The following SYNPR variants were observed in gnomAD, a reference collection of about 807,000 sequenced individuals.
SYNPR encodes the protein synaptoporin.
Under a neutral mutation model 32.9 loss-of-function variants are expected in SYNPR, and 23 were observed. That is an observed-to-expected ratio of 0.70 (90% CI 0.50 to 0.99). SYNPR has a LOEUF of 0.99. Ranked by LOEUF, SYNPR falls within the 50% of genes least tolerant of loss-of-function variation. SYNPR has a pLI of 0.00. For synonymous variants in SYNPR, 146 were observed against 135.9 expected (o/e 1.07, Z -0.52); for missense variants, 318 against 349.3 (o/e 0.91, Z 0.71).
chr3:63,543,527 T>C (rs886560276), intron 3 of SYNPR, among the ~76,000 whole-genome samples: 1 of 152,074 alleles, frequency 6.6e-6, no homozygotes, highest in African/African-American at 2.4e-5. Flanking sequence ...CTGTTTTGGT[T>C]ATTTTGTTTT....
chr3:63,507,253 A>G (rs908869305), intron 3 of SYNPR, among the ~76,000 whole-genome samples: 1 of 137,552 alleles, frequency 7.3e-6, no homozygotes, highest in African/African-American at 2.6e-5. Flanking sequence ...TTTTAACCAT[A>G]TCTGCCCCAA....
intron 2 of SYNPR, among the ~76,000 whole-genome samples, chr3:63,367,304 C>G (rs2107045104): frequency 6.6e-6 from 1 of 152,074 alleles, no homozygotes. Context: ...ACAGTACATT[C>G]TGAAGTTTGG....
intron 2 of SYNPR, among the ~76,000 whole-genome samples, chr3:63,412,061 T>A (rs1176807348): frequency 1.3e-5 from 2 of 149,622 alleles, no homozygotes; most frequent in African/African-American, 4.9e-5. Context: ...AGGAGTAGAG[T>A]AGATTGGAGA....
intron 2 of SYNPR, among the ~76,000 whole-genome samples, chr3:63,350,157 C>T (rs1350040011): frequency 6.6e-6 from 1 of 151,912 alleles, no homozygotes; most frequent in East Asian, 1.9e-4. Flanking sequence ...TATAATTATA[C>T]ACAGTATTTT....
the SYNPR span, among the ~76,000 whole-genome samples, chr3:63,218,578 T>C: frequency 6.6e-6 from 1 of 152,228 alleles, no homozygotes; most frequent in East Asian, 1.9e-4. Context: ...TCTCAGGCTA[T>C]AAAGTGAAAT....
intron 1 of SYNPR, among the ~76,000 whole-genome samples, chr3:63,252,132 A>C (rs2086338343): frequency 6.6e-6 from 1 of 152,170 alleles, no homozygotes; most frequent in Non-Finnish European, 1.5e-5. Flanking sequence ...TAAAAAAGAC[A>C]AGGTGAAGAA....
At chr3:63,424,176 C>T (rs1021571576) in intron 2 of SYNPR, among the ~76,000 whole-genome samples, 3 of 152,078 alleles carry the variant, frequency 2.0e-5, no homozygotes, top group Admixed American at 6.5e-5. Flanking sequence ...CTAGTAATGT[C>T]GAAAATAAAG....
chr3:63,443,223 A>T lies in SYNPR; in HGVS notation c.85-37609A>T, dbSNP rs1000113275. 12 of 1,391,250 alleles carry T rather than the reference A, an allele frequency of 8.6e-6. No homozygotes were observed. In the African/African-American group the frequency reaches 1.5e-4, roughly 17 times the overall value. The allele number at this position is 1,391,250 out of a possible 1,614,324, so 86.2% of individuals were successfully genotyped here. The stretch of plus-strand genomic sequence containing the variant: ...CAGCTGTGGGTTGTCACTGTCTAAT[A>T]ATATGACCGTTTTGCCATCTCTCTG... On this transcript the variant is annotated intron_variant, in intron 2 of 5. Transcript: ENST00000478300.
intron 2 of SYNPR, among the ~76,000 whole-genome samples, chr3:63,461,125 A>C (rs991706151): frequency 6.6e-6 from 1 of 152,082 alleles, no homozygotes; most frequent in Non-Finnish European, 1.5e-5. Context: ...TCTAGGAAAT[A>C]TCCTAAAAGG....
At position 63,608,623 on chromosome 3, in the gene SYNPR, C is replaced by T. The variant is rs571926544; in HGVS notation, c.409-502C>T. On this transcript the variant is annotated intron_variant, in intron 4 of 5. Coordinates refer to ENST00000478300, the MANE Select transcript of SYNPR (RefSeq NM_001130003.2). Reference sequence around the variant, plus strand: ...ATGAATGAATGAATGAATGAGTGAACATTGCCATCAAAGAATCTTAAACCA... The same window carrying T: ...ATGAATGAATGAATGAATGAGTGAATATTGCCATCAAAGAATCTTAAACCA... 2.0e-5 allele frequency among the ~76,000 whole-genome samples: 3 copies of T among 151,842 alleles called. No homozygotes were observed. The South Asian group carries it at 6.2e-4, about 32-fold the overall frequency.
At chr3:63,378,902 A>T (rs1187511112) in intron 2 of SYNPR, among the ~76,000 whole-genome samples, 2 of 152,060 alleles carry the variant, frequency 1.3e-5, no homozygotes, top group East Asian at 3.9e-4. Context: ...GATTCTAAAA[A>T]TCTTCTCTAA....
the SYNPR span, among the ~76,000 whole-genome samples, chr3:63,210,265 T>C: frequency 4.6e-5 from 7 of 152,312 alleles, no homozygotes; most frequent in African/African-American, 1.7e-4. Flanking sequence ...GTATGCTGGG[T>C]GCTGAGAATG....
chr3:63,330,587 C>G (rs998117885), intron 2 of SYNPR, among the ~76,000 whole-genome samples: 9 of 151,996 alleles, frequency 5.9e-5, no homozygotes, highest in Non-Finnish European at 1.3e-4. Context: ...AATAAAAGCT[C>G]TGACCAAAGT....
chr3:63,383,571 G>A (rs868194779), intron 2 of SYNPR, among the ~76,000 whole-genome samples: 2 of 152,042 alleles, frequency 1.3e-5, no homozygotes, highest in East Asian at 1.9e-4. Context: ...CAAAAAATTA[G>A]CCAGGCATGA....
In SYNPR at chr3:63,321,500, G is replaced by A. The variant is rs575742395; in HGVS notation, c.84+42758G>A. Among the ~76,000 whole-genome samples the A allele has an allele frequency of 1.2e-4, 19 of 152,188 alleles. 1 individual carries two copies. In the Middle Eastern group the frequency reaches 0.01, roughly 82 times the overall value. ...AGTCAAGTTATATGTGGGCACAGAA[G>A]AAAGAGCAATTAATTTTAAGCCCCT... On this transcript the variant is annotated intron_variant, in intron 2 of 5. Transcript: ENST00000478300.
chr3:63,372,912 C>A (rs1247556914), intron 2 of SYNPR, among the ~76,000 whole-genome samples: 1 of 152,172 alleles, frequency 6.6e-6, no homozygotes, highest in Non-Finnish European at 1.5e-5. Flanking sequence ...TGAACAAGAG[C>A]CTACCAACTG....
At chr3:63,343,446 G>T (rs763322920) in intron 2 of SYNPR, among the ~76,000 whole-genome samples, 2 of 152,156 alleles carry the variant, frequency 1.3e-5, no homozygotes, top group Non-Finnish European at 2.9e-5. Flanking sequence ...CATCCCAGGG[G>T]CATGGCACTG....
intron 3 of SYNPR, among the ~76,000 whole-genome samples, chr3:63,508,971 T>C (rs1218150653): frequency 6.6e-6 from 1 of 152,136 alleles, no homozygotes; most frequent in Non-Finnish European, 1.5e-5. Flanking sequence ...ATTTGCTTCA[T>C]AACTTTATAG....
At chr3:63,491,280 A>G (rs780328001) in intron 3 of SYNPR, among the ~76,000 whole-genome samples, 3 of 152,146 alleles carry the variant, frequency 2.0e-5, no homozygotes, top group Non-Finnish European at 4.4e-5. Flanking sequence ...ACAAGAGCTC[A>G]TGCCAGGTGG....
Sources: allele counts gnomAD v4.1 joint callset (sites outside exome capture counted in the v4.1 genomes callset), GRCh38; gene constraint gnomAD v4.1.1; transcripts MANE v1.5; gene names NCBI Gene and HGNC (gene_info 2026-07-23, HGNC 2026-07-21).